Variants in KIAA1671 observed in about 807,000 individuals in gnomAD.
KIAA1671 encodes KIAA1671.
A neutral mutation model predicts 131.2 loss-of-function variants in KIAA1671; 52 were observed. That is an observed-to-expected ratio of 0.40 (90% CI 0.32 to 0.50). The LOEUF (loss-of-function observed/expected upper bound fraction) is 0.50. Ranked by LOEUF, KIAA1671 falls within the 20% of genes least tolerant of loss-of-function variation. The pLI is 0.73. For synonymous variants in KIAA1671, 1,003 were observed against 961.6 expected (o/e 1.04, Z -0.80); for missense variants, 2,360 against 2,364.2 (o/e 1.00, Z 0.04).
chr22:25,180,059 C>T (rs561542828), intron 9 of KIAA1671, among the ~76,000 whole-genome samples: 38 of 73,420 alleles, frequency 5.2e-4, no homozygotes, highest in African/African-American at 1.5e-3. Flanking sequence ...AGACCTGGTG[C>T]TCTGGAGCCC....
rs995279829 is a variant in KIAA1671 at position 25,190,593 on chromosome 22, C to G, written c.5343-109C>G. 3.1e-5 allele frequency: 27 copies of G among 878,516 alleles called. No homozygotes were observed. In the African/African-American group the frequency reaches 3.7e-4, roughly 12 times the overall value. The allele number at this position is 878,516 out of a possible 1,614,324, so 54.4% of individuals were successfully genotyped here. A position where few individuals can be genotyped will look rare whatever the true frequency, so the allele number is the denominator to read the frequency against. Reference sequence around the variant, plus strand: ...ATCTTTACCACCTCTGAGTGCTTGCCCCAACCCCGCCTGGGCCCAGGGATA... The same window carrying G: ...ATCTTTACCACCTCTGAGTGCTTGCGCCAACCCCGCCTGGGCCCAGGGATA... On this transcript the variant is annotated intron_variant, in intron 11 of 12. Transcript: ENST00000358431.
Position 25,029,194 on chromosome 22 carries a change from G to T in KIAA1671, c.1195G>T (p.Ala399Ser). Residue 399 changes from alanine (A) to serine (S), a missense_variant, in exon 3 of 13, where the codon GCT (alanine) becomes TCT (serine). Physicochemically the swap from Ala to Ser is moderately conservative, Grantham distance 99 (BLOSUM62 1). Coordinates refer to ENST00000358431, the MANE Select transcript of KIAA1671 (RefSeq NM_001145206.2). Reference sequence around the variant, plus strand: ...CAAGCTGGACCCAGAGCCAGAGAAGGCTGCTGAGTCCCCCTCACCCAGGCT... The same window carrying T: ...CAAGCTGGACCCAGAGCCAGAGAAGTCTGCTGAGTCCCCCTCACCCAGGCT... ...KAKLDPEPEK[A>S]AESPSPRLGR... 2 of 1,457,124 alleles carry T rather than the reference G, an allele frequency of 1.4e-6. No individual in the cohort carries two copies. Among genetic ancestry groups the T allele is most frequent in the Non-Finnish European group, 1.8e-6 (2 of 1,101,934 alleles). The allele number at this position is 1,457,124 out of a possible 1,614,324, so 90.3% of individuals were successfully genotyped here.
chr22:25,146,800 G>A (rs1328965683), intron 6 of KIAA1671, among the ~76,000 whole-genome samples: 1 of 152,188 alleles, frequency 6.6e-6, no homozygotes, highest in Non-Finnish European at 1.5e-5. Flanking sequence ...GACAGTCAGT[G>A]CCCAATCAGT....
chr22:25,036,136 A>G (rs1926580825), intron 4 of KIAA1671, among the ~76,000 whole-genome samples: 1 of 152,150 alleles, frequency 6.6e-6, no homozygotes, highest in Admixed American at 6.5e-5. Context: ...GCTGGAGTGC[A>G]ATGGCACAAT....
chr22:25,176,279 T>C (rs532293968), intron 8 of KIAA1671: 1 of 152,226 alleles, frequency 6.6e-6, no homozygotes, highest in Non-Finnish European at 1.5e-5. Context: ...CACCACCCCA[T>C]TGGGACTTTT....
At chr22:25,093,725 A>ATTTCTCTCTCTCTCTCTGT (rs1930149281) in intron 6 of KIAA1671, among the ~76,000 whole-genome samples, 15 of 69,670 alleles carry the variant, frequency 2.2e-4, no homozygotes, top group African/African-American at 1.8e-3. Flanking sequence ...ACACACACAC[A>ATTTCTCTCTCTCTCTCTGT]CACACACACA....
intron 11 of KIAA1671, among the ~76,000 whole-genome samples, chr22:25,189,707 A>G (rs1934603951): frequency 6.6e-6 from 1 of 152,266 alleles, no homozygotes; most frequent in Non-Finnish European, 1.5e-5. Context: ...GAGAGATGGA[A>G]GGATGAATAG....
chr22:25,182,760 A>G (rs1934337141), intron 10 of KIAA1671, among the ~76,000 whole-genome samples: 1 of 152,170 alleles, frequency 6.6e-6, no homozygotes, highest in Non-Finnish European at 1.5e-5. Context: ...CCAACTGGTG[A>G]CGCTCACCAG....
At chr22:25,189,161 T>C (rs1791787908) in intron 11 of KIAA1671, among the ~76,000 whole-genome samples, 1 of 149,486 alleles carries the variant, frequency 6.7e-6, no homozygotes, top group Non-Finnish European at 1.5e-5. Flanking sequence ...GTTTTTTTGT[T>C]TTTTTGTTTT....
At chr22:25,150,893 C>T (rs5996838) in intron 6 of KIAA1671, among the ~76,000 whole-genome samples, 38,148 of 147,648 alleles carry the variant, frequency 0.26, 5,017 homozygotes, top group South Asian at 0.35. Flanking sequence ...AGTGCCGTGG[C>T]GCAATCTCGG....
At chr22:25,153,807 T>C (rs963286447) in intron 6 of KIAA1671, among the ~76,000 whole-genome samples, 5 of 152,148 alleles carry the variant, frequency 3.3e-5, no homozygotes, top group African/African-American at 1.2e-4. Context: ...TTGGGAGCCT[T>C]GACGAATCAG....
intron 1 of KIAA1671, among the ~76,000 whole-genome samples, chr22:24,983,790 T>G (rs1448967495): frequency 2.0e-5 from 3 of 150,216 alleles, no homozygotes; most frequent in Non-Finnish European, 4.5e-5. Context: ...TTTTTTTTTT[T>G]TTTTTGAGAC....
At chr22:25,025,328 C>T (rs1925886614) in intron 1 of KIAA1671, among the ~76,000 whole-genome samples, 1 of 152,092 alleles carries the variant, frequency 6.6e-6, no homozygotes, top group Non-Finnish European at 1.5e-5. Flanking sequence ...ATGTGTGTTT[C>T]TTACAGAAGA....
intron 6 of KIAA1671, among the ~76,000 whole-genome samples, chr22:25,079,663 A>G (rs1929296395): frequency 6.6e-6 from 1 of 152,232 alleles, no homozygotes; most frequent in Non-Finnish European, 1.5e-5. Context: ...GCACATTTGC[A>G]GAACAGGAGG....
rs561381274 is a variant in KIAA1671, at chr22:25,005,209, G to T, written c.-207-20424G>T. 9.8e-4 allele frequency among the ~76,000 whole-genome samples: 149 copies of T among 151,474 alleles called. 2 individuals carry two copies. The highest frequency in any genetic ancestry group is 3.5e-3 in the African/African-American group (145 of 41,302). On this transcript the variant is annotated intron_variant, in intron 1 of 12. Coordinates refer to ENST00000358431, the MANE Select transcript of KIAA1671 (RefSeq NM_001145206.2). Reference sequence around the variant, plus strand: ...CTAAAACTACAAAAATTAGCTGGGCGTGGTGGCGCGCACGTGTAGTCCCAG... The same window carrying T: ...CTAAAACTACAAAAATTAGCTGGGCTTGGTGGCGCGCACGTGTAGTCCCAG...
intron 1 of KIAA1671, among the ~76,000 whole-genome samples, chr22:24,977,215 G>C (rs1922959274): frequency 6.6e-6 from 1 of 152,186 alleles, no homozygotes; most frequent in Admixed American, 6.5e-5. Context: ...GTGTTTACTG[G>C]TGACCTTGCA....
chr22:25,002,087 C>T (rs1602058053), intron 1 of KIAA1671, among the ~76,000 whole-genome samples: 1 of 152,136 alleles, frequency 6.6e-6, no homozygotes, highest in Admixed American at 6.6e-5. Context: ...AAAAACACTT[C>T]TCGAAACCCT....
rs139778939 is a variant in KIAA1671, at chr22:25,100,439, A to T, written c.4530+51075A>T. 1.3e-3 allele frequency among the ~76,000 whole-genome samples: 196 copies of T among 152,234 alleles called. 3 individuals carry two copies. The East Asian group carries it at 0.025, about 19-fold the overall frequency. ...ACAGGGCAAGGTCTTCCCTCCTATG[A>T]CCACATCTTCTGTACCCCATAATCC... On this transcript the variant is annotated intron_variant, in intron 6 of 12. Coordinates refer to ENST00000358431, the MANE Select transcript of KIAA1671 (RefSeq NM_001145206.2).
intron 1 of KIAA1671, among the ~76,000 whole-genome samples, chr22:25,001,205 GTA>G (rs1447649756): frequency 1.5e-4 from 22 of 145,502 alleles, no homozygotes; most frequent in African/African-American, 1.5e-4. Context: ...GTGTGTATGT[GTA>G]TGTATGTGTA....
Sources: gnomAD v4.1 joint callset for allele counts (sites outside exome capture counted in the v4.1 genomes callset) on GRCh38, gnomAD v4.1.1 for gene constraint, MANE v1.5 for transcripts, NCBI Gene and HGNC (gene_info 2026-07-23, HGNC 2026-07-21) for gene names.